The following RNF216 variants were observed in gnomAD, a reference collection of about 807,000 sequenced individuals.
The protein encoded by RNF216 is E3 ubiquitin-protein ligase RNF216.
A neutral mutation model predicts 110.8 loss-of-function variants in RNF216; 72 were observed. The ratio of observed to expected loss-of-function variants is 0.65; its 90% CI spans 0.54 to 0.79. RNF216 has a LOEUF of 0.79. Ranked by LOEUF, RNF216 falls within the 30% of genes least tolerant of loss-of-function variation. RNF216 has a pLI of 0.00. For synonymous variants in RNF216, 495 were observed against 407.5 expected, an observed-to-expected ratio of 1.21 and a Z score of -2.59; for missense variants, 1,342 against 1,141.2, an observed-to-expected ratio of 1.18 and a Z score of -2.54.
rs928869406 is a variant in RNF216 at position 5,624,570 on chromosome 7, A to C, written c.2383-445T>G. Among the ~76,000 whole-genome samples, 2 of 152,216 alleles carry C rather than the reference A, an allele frequency of 1.3e-5. No homozygotes were observed. Among genetic ancestry groups the C allele is most frequent in the African/African-American group, 2.4e-5 (1 of 41,462 alleles). ...AAAGTCTTGCAGATGTCCTCAACTG[A>C]GATGGACAAATGTCCAGTCGGGCCC... On this transcript the variant is annotated intron_variant, in intron 15 of 16. Coordinates refer to ENST00000389902, the MANE Select transcript of RNF216 (RefSeq NM_207111.4). The surrounding 1 kb of genome is among the most constrained non-coding windows in gnomAD (Gnocchi z 4.4).
intron 8 of RNF216, among the ~76,000 whole-genome samples, chr7:5,722,374 T>TC (rs1303426595): frequency 6.7e-6 from 1 of 150,326 alleles, no homozygotes; most frequent in Non-Finnish European, 1.5e-5. Context: ...CTCATGTTTT[T>TC]TTTTTTGTTT....
Position 5,624,073 on chromosome 7 carries a change from T to C in RNF216, c.2435A>G (p.Gln812Arg). ...EEIQKEAEEE[Q>R]KRKNGENTFK... ...GCACTTGCCTCCATTCTTTCTTTTC[T>C]GTTCCTCTTCAGCCTCCTTCTGGAT... The change falls in exon 16 of 17, where the codon CAG becomes CGG. Residue 812 changes from glutamine (Q) to arginine (R), a missense_variant. Transcript: ENST00000389902. The surrounding 1 kb of genome is among the most constrained non-coding windows in gnomAD (Gnocchi z 4.4). The C allele has an allele frequency of 1.2e-6, 2 of 1,613,792 alleles. No homozygotes were observed. Among genetic ancestry groups the C allele is most frequent in the Non-Finnish European group, 1.7e-6 (2 of 1,179,942 alleles).
intron 9 of RNF216, among the ~76,000 whole-genome samples, chr7:5,718,434 C>G (rs1352446631): frequency 6.6e-6 from 1 of 152,136 alleles, no homozygotes; most frequent in African/African-American, 2.4e-5. Context: ...CTAGATATTT[C>G]TGAATATTCC....
chr7:5,724,881 T>C (rs1418498726), intron 8 of RNF216, among the ~76,000 whole-genome samples: 1 of 152,190 alleles, frequency 6.6e-6, no homozygotes, highest in Non-Finnish European at 1.5e-5. Context: ...AGTTATTTCA[T>C]CAATAAGAAT....
intron 5 of RNF216, among the ~76,000 whole-genome samples, chr7:5,738,087 CAAAAAA>C (rs200643372): frequency 2.7e-4 from 30 of 110,978 alleles, no homozygotes; most frequent in African/African-American, 1.1e-3. Flanking sequence ...AGACTGTCTC[CAAAAAA>C]AAAAAAAAAA....
rs1788145291 is a variant in RNF216 at position 5,647,809 on chromosome 7, CCATTTATAATACTA to C, written c.2159+4590_2159+4603del. Among the ~76,000 whole-genome samples the C allele has an allele frequency of 3.9e-5, 6 of 152,286 alleles. No homozygotes were observed. The South Asian group carries it at 1.2e-3, about 32-fold the overall frequency. Reference sequence around the variant, plus strand: ...ATTTCTTAAATTTATCCCCTCTTCTCCATTTATAATACTACAAACCTATATTGGAGCCCTATGAT... The same window carrying C: ...ATTTCTTAAATTTATCCCCTCTTCTCCAAACCTATATTGGAGCCCTATGAT... On this transcript the variant is annotated intron_variant, in intron 14 of 16. Transcript: ENST00000389902.
chr7:5,757,817 T>C (rs1238538838), intron 2 of RNF216, among the ~76,000 whole-genome samples: 2 of 152,170 alleles, frequency 1.3e-5, no homozygotes, highest in African/African-American at 2.4e-5. Flanking sequence ...ATATTCATTT[T>C]ATACACTTTT....
At chr7:5,627,794 T>G (rs1267558323) in intron 15 of RNF216, among the ~76,000 whole-genome samples, 1 of 150,972 alleles carries the variant, frequency 6.6e-6, no homozygotes, top group Non-Finnish European at 1.5e-5. Flanking sequence ...CCTCAGACTC[T>G]CCCCTGATAA....
At chr7:5,703,472 G>A (rs1480903714) in intron 13 of RNF216, among the ~76,000 whole-genome samples, 2 of 152,242 alleles carry the variant, frequency 1.3e-5, no homozygotes, top group East Asian at 1.9e-4. Context: ...AGCTACTGTA[G>A]GAGGCTGCAG....
At chr7:5,629,741 C>T (rs1786946786) in intron 15 of RNF216, among the ~76,000 whole-genome samples, 1 of 145,660 alleles carries the variant, frequency 6.9e-6, no homozygotes, top group Non-Finnish European at 1.5e-5. Flanking sequence ...GCAGGAGAAT[C>T]ACTTGAATCT....
In RNF216 at chr7:5,623,152, G is replaced by A. The variant is rs754905702; in HGVS notation, c.2480C>T (p.Pro827Leu). Residue 827 changes from proline (P) to leucine (L), a missense_variant, in exon 17 of 17, where the codon CCG becomes CTG. Pro to Leu is a moderately conservative substitution (Grantham distance 98, BLOSUM62 -3). Transcript: ENST00000389902. ...CACCTTCTCCACAGGCTTCTCCAGCGGGGGTCCAATGCGTTTGAAGGTGTT... is the reference window on the plus strand; with the variant it reads ...CACCTTCTCCACAGGCTTCTCCAGCAGGGGTCCAATGCGTTTGAAGGTGTT... ...GENTFKRIGP[P>L]LEKPVEKVQR... 3.4e-5 allele frequency: 54 copies of A among 1,579,868 alleles called. No homozygotes were observed. Among genetic ancestry groups the A allele is most frequent in the Non-Finnish European group, 4.4e-5 (51 of 1,157,520 alleles).
chr7:5,671,891 C>T (rs1258281785), intron 13 of RNF216, among the ~76,000 whole-genome samples: 2 of 150,040 alleles, frequency 1.3e-5, no homozygotes, highest in Non-Finnish European at 2.9e-5. Context: ...AGCACGAAGA[C>T]AGTCCTCTGC....
chr7:5,666,389 T>A (rs1428498737), intron 13 of RNF216, among the ~76,000 whole-genome samples: 1 of 152,028 alleles, frequency 6.6e-6, no homozygotes, highest in African/African-American at 2.4e-5. Context: ...CGAAGGTGCA[T>A]GTAAGTGAAG....
In RNF216 at chr7:5,747,755, AAAAAAAAAAAAAAAAAAAAAG is replaced by A. The variant is rs535773753; in HGVS notation, c.201+5070_201+5090del. On this transcript the variant is annotated intron_variant, in intron 3 of 16. Coordinates refer to ENST00000389902, the MANE Select transcript of RNF216 (RefSeq NM_207111.4). ...ACAGGAGACTCCATCTCAAAAAAAAAAAAAAAAAAAAAAAAAAAAAGGGGAAAAAAAAAGAAAAAATAAATA... is the reference window on the plus strand; with the variant it reads ...ACAGGAGACTCCATCTCAAAAAAAAAGGGAAAAAAAAAGAAAAAATAAATA... Among the ~76,000 whole-genome samples the A allele has an allele frequency of 4.9e-3, 618 of 125,822 alleles. 12 individuals are homozygous for A. The highest frequency in any genetic ancestry group is 7.4e-3 in the Non-Finnish European group (471 of 63,410). The allele number at this position is 125,822 out of a possible 152,430, so 82.5% of individuals were successfully genotyped here.
chr7:5,665,834 G>A (rs1334463438), intron 13 of RNF216, among the ~76,000 whole-genome samples: 2 of 151,672 alleles, frequency 1.3e-5, no homozygotes, highest in African/African-American at 2.4e-5. Flanking sequence ...TATCAGCAAC[G>A]CCTAGGCAAT....
At chr7:5,740,343 G>T (rs1049344754) in intron 4 of RNF216, among the ~76,000 whole-genome samples, 2 of 152,058 alleles carry the variant, frequency 1.3e-5, no homozygotes, top group African/African-American at 4.8e-5. Flanking sequence ...AGCCAGGATG[G>T]TCTTGATATC....
Position 5,730,825 on chromosome 7 carries a change from A to C in RNF216, c.1122-8T>G. On this transcript the variant is annotated splice_region_variant and splice_polypyrimidine_tract_variant and intron_variant, in intron 5 of 16. Coordinates refer to ENST00000389902, the MANE Select transcript of RNF216 (RefSeq NM_207111.4). ...AGAAGAAAATTACAAAGTCTGCAGA[A>C]ACAAATGATGTTACTTTCATACTGC... The C allele has an allele frequency of 6.4e-7, 1 of 1,570,326 alleles. No homozygotes were observed. Among genetic ancestry groups the C allele is most frequent in the Non-Finnish European group, 8.7e-7 (1 of 1,155,476 alleles).
intron 2 of RNF216, chr7:5,760,445 G>A (rs1445518379): frequency 5.1e-6 from 2 of 390,128 alleles, no homozygotes; most frequent in South Asian, 1.8e-5. Context: ...GAACCCAGGA[G>A]GCGGAGCTCG....
chr7:5,775,844 G>A (rs375065011), intron 1 of RNF216, among the ~76,000 whole-genome samples: 4 of 151,558 alleles, frequency 2.6e-5, no homozygotes, highest in African/African-American at 7.3e-5. Flanking sequence ...ACTCCTGCCT[G>A]GGTGACAGAG....
Sources: allele counts gnomAD v4.1 joint callset (sites outside exome capture counted in the v4.1 genomes callset), GRCh38; gene constraint gnomAD v4.1.1; non-coding constraint Gnocchi (gnomAD v3.1); transcripts MANE v1.5; gene names NCBI Gene and HGNC (gene_info 2026-07-23, HGNC 2026-07-21).